Variants in PPP1CC observed in about 807,000 individuals in gnomAD.
PPP1CC encodes protein phosphatase 1 catalytic subunit gamma.
In PPP1CC, 16 loss-of-function variants were observed where a neutral mutation model predicts 38.4. The ratio of observed to expected loss-of-function variants is 0.42; its 90% CI spans 0.28 to 0.63. PPP1CC has a LOEUF of 0.63. Among genes scored for constraint, PPP1CC ranks in the 30% least tolerant of loss-of-function variants. The pLI, the probability that PPP1CC is intolerant of heterozygous loss-of-function variation, is 0.25. For synonymous variants in PPP1CC, 158 were observed against 136.0 expected (o/e 1.16, Z -1.13); for missense variants, 170 against 391.3 (o/e 0.43, Z 4.77).
At chr12:110,714,947 T>C (rs2069677122), downstream of PPP1CC, among the ~76,000 whole-genome samples, 1 of 151,776 alleles carries the variant, frequency 6.6e-6, no homozygotes, top group South Asian at 2.1e-4. Context: ...AAAAATCTTC[T>C]GCCAACCTCA....
chr12:110,737,408 T>C (rs915736196), intron 1 of PPP1CC, among the ~76,000 whole-genome samples: 2 of 130,288 alleles, frequency 1.5e-5, no homozygotes, highest in African/African-American at 6.0e-5. Context: ...CGCTTGAACC[T>C]GGGTGGTGGA....
At chr12:110,724,264 A>C (rs1246850158) in intron 4 of PPP1CC, among the ~76,000 whole-genome samples, 5 of 151,212 alleles carry the variant, frequency 3.3e-5, no homozygotes, top group East Asian at 2.0e-4. Flanking sequence ...AACAAAAAAA[A>C]CCAAAAACTT....
Position 110,742,867 on chromosome 12 carries a change from C to G in PPP1CC, c.-160G>C, listed in dbSNP as rs1353298767. On this transcript the variant is annotated 5_prime_UTR_variant, in exon 1 of 7. Coordinates refer to ENST00000335007, the MANE Select transcript of PPP1CC (RefSeq NM_002710.4). ...CCACCCCGCTCCCTACTTCCTCCTTCTCTCCCCACTGGAACCACGAGAAGA... is the reference window on the plus strand; with the variant it reads ...CCACCCCGCTCCCTACTTCCTCCTTGTCTCCCCACTGGAACCACGAGAAGA... The G allele has an allele frequency of 1.1e-5, 5 of 449,916 alleles. No homozygotes were observed. The highest frequency in any genetic ancestry group is 1.5e-4 in the South Asian group (2 of 13,466). 27.9% of individuals were successfully genotyped at this position (449,916 alleles called of 1,614,324 possible).
chr12:110,731,963 T>A (rs2069877775), intron 1 of PPP1CC, 62 bp from the exon 2 acceptor site: 1 of 1,566,390 alleles, frequency 6.4e-7, no homozygotes. Context: ...ATACGAGATT[T>A]AGATAAAGGG....
At chr12:110,708,736 C>A in the PPP1CC span, among the ~76,000 whole-genome samples, 1 of 151,280 alleles carries the variant, frequency 6.6e-6, no homozygotes, top group Non-Finnish European at 1.5e-5. Context: ...GTAAATCCTG[C>A]TACTTGGGAG....
At chr12:110,724,054 C>T (rs1367173459) in intron 4 of PPP1CC, among the ~76,000 whole-genome samples, 5 of 151,838 alleles carry the variant, frequency 3.3e-5, no homozygotes, top group Admixed American at 2.0e-4. Flanking sequence ...CTGGCTAACA[C>T]GGTGAAGCCC....
At chr12:110,708,791 CAG>C in the PPP1CC span, among the ~76,000 whole-genome samples, 2 of 144,678 alleles carry the variant, frequency 1.4e-5, no homozygotes, top group East Asian at 4.0e-4. Context: ...AGGTTGCAGT[CAG>C]TGAGCTGAGA....
intron 1 of PPP1CC, among the ~76,000 whole-genome samples, chr12:110,738,373 C>T (rs1297346599): frequency 1.3e-5 from 2 of 152,274 alleles, no homozygotes; most frequent in African/African-American, 2.4e-5. Context: ...ATCTACAAAG[C>T]GACTGACACC....
At chr12:110,728,283 C>T (rs1301094121) in intron 3 of PPP1CC, among the ~76,000 whole-genome samples, 3 of 151,684 alleles carry the variant, frequency 2.0e-5, no homozygotes, top group Non-Finnish European at 2.9e-5. Context: ...CCTGTAGTCC[C>T]AGCTACTCGG....
chr12:110,738,689 A>G (rs4073472), intron 1 of PPP1CC, among the ~76,000 whole-genome samples: 17,671 of 152,252 alleles, frequency 0.12, 1,213 homozygotes, highest in African/African-American at 0.19. Flanking sequence ...CAGAATGCAG[A>G]GCGCTCCTGT....
chr12:110,725,726 C>T (rs978516579), intron 3 of PPP1CC: 1 of 152,196 alleles, frequency 6.6e-6, no homozygotes, highest in African/African-American at 2.4e-5. Flanking sequence ...TGTCCAGATG[C>T]CTTTGTTTCC....
chr12:110,714,191 C>A, the PPP1CC span, among the ~76,000 whole-genome samples: 1 of 152,122 alleles, frequency 6.6e-6, no homozygotes, highest in Non-Finnish European at 1.5e-5. Context: ...TATAAAAACA[C>A]AGCATTCATG....
chr12:110,739,299 C>T (rs112173928), intron 1 of PPP1CC, among the ~76,000 whole-genome samples: 249 of 151,936 alleles, frequency 1.6e-3, no homozygotes, highest in Non-Finnish European at 3.2e-3. Flanking sequence ...CAGAGTGAGA[C>T]TCTGTCTCCA....
intron 1 of PPP1CC, 133 bp downstream of exon 1, chr12:110,742,520 G>T: frequency 1.4e-6 from 1 of 716,614 alleles, no homozygotes; most frequent in Non-Finnish European, 2.0e-6. Context: ...CGGCCCGTGG[G>T]CCAACTCGAG....
chr12:110,718,183 GT>G (rs376941097), downstream of PPP1CC, among the ~76,000 whole-genome samples: 80 of 152,254 alleles, frequency 5.3e-4, no homozygotes, highest in African/African-American at 1.9e-3. Flanking sequence ...AAGAACAAGG[GT>G]TATATGTGAG....
chr12:110,715,271 T>C (rs1052251560), downstream of PPP1CC, among the ~76,000 whole-genome samples: 5 of 152,152 alleles, frequency 3.3e-5, no homozygotes, highest in African/African-American at 1.2e-4. Context: ...TAGCTAAATA[T>C]CGCTATTAGG....
chr12:110,729,351 C>T (rs1388553421), intron 3 of PPP1CC, among the ~76,000 whole-genome samples: 3 of 152,118 alleles, frequency 2.0e-5, no homozygotes, highest in Non-Finnish European at 4.4e-5. Flanking sequence ...TCTGCCACCA[C>T]GCCTGGCTAA....
chr12:110,716,464 T>G (rs2069688855), downstream of PPP1CC, among the ~76,000 whole-genome samples: 1 of 152,072 alleles, frequency 6.6e-6, no homozygotes, highest in Admixed American at 6.6e-5. Flanking sequence ...GCGATTCTCC[T>G]GCCTCAGCCT....
the PPP1CC span, among the ~76,000 whole-genome samples, chr12:110,713,268 G>A: frequency 6.6e-6 from 1 of 151,858 alleles, no homozygotes; most frequent in African/African-American, 2.4e-5. Flanking sequence ...GAGTAGCTTG[G>A]ACTGCAGGCA....
Sources: allele counts gnomAD v4.1 joint callset (sites outside exome capture counted in the v4.1 genomes callset), GRCh38; gene constraint gnomAD v4.1.1; transcripts MANE v1.5; gene names NCBI Gene and HGNC (gene_info 2026-07-23, HGNC 2026-07-21).